Variants in ASB7 observed in about 807,000 individuals in gnomAD.
ASB7 encodes ankyrin repeat and SOCS box protein 7.
Under a neutral mutation model 32.5 loss-of-function variants are expected in ASB7, and 4 were observed. That is an observed-to-expected ratio of 0.12 (90% CI 0.06 to 0.28). ASB7 has a LOEUF of 0.28. Among genes scored for constraint, ASB7 ranks in the 10% least tolerant of loss-of-function variants. ASB7 has a pLI of 1.00. For synonymous variants in ASB7, 172 were observed against 155.6 expected (o/e 1.11, Z -0.78); for missense variants, 181 against 407.1 (o/e 0.44, Z 4.78).
chr15:100,611,053 T>C (rs2039691383), intron 3 of ASB7, among the ~76,000 whole-genome samples: 1 of 152,174 alleles, frequency 6.6e-6, no homozygotes, highest in African/African-American at 2.4e-5. Context: ...ACTTTCTTAT[T>C]TTAATTTTTG....
Position 100,630,396 on chromosome 15 carries a change from G to A in ASB7, c.817+354G>A, listed in dbSNP as rs1388743092. The stretch of plus-strand genomic sequence containing the variant: ...CTTACCTGGCTTCCATTGACTGCAA[G>A]TTGAGGAGTTAGAGGGGGAATTTTG... On this transcript the variant is annotated intron_variant, in intron 5 of 5. Transcript: ENST00000332783. Among the ~76,000 whole-genome samples, 4 of 152,318 alleles carry A rather than the reference G, an allele frequency of 2.6e-5. No individual in the cohort carries two copies. The South Asian group carries it at 6.2e-4, about 24-fold the overall frequency.
intron 5 of ASB7, among the ~76,000 whole-genome samples, chr15:100,632,050 C>T (rs1280312734): frequency 6.6e-6 from 1 of 152,236 alleles, no homozygotes; most frequent in Non-Finnish European, 1.5e-5. Flanking sequence ...GGGCGGCTGC[C>T]GTGTGTCCCT....
Position 100,612,185 on chromosome 15 carries a change from T to C in ASB7, c.-32T>C, listed in dbSNP as rs762862206. The stretch of plus-strand genomic sequence containing the variant: ...TTAAAGGCTGATCCCCGTAACCTAA[T>C]GAATCCTTTGTAAAAAGTGGACTCA... On this transcript the variant is annotated 5_prime_UTR_variant, in exon 4 of 6. It removes an upstream start codon present in the reference 5' UTR. Coordinates refer to ENST00000332783, the MANE Select transcript of ASB7 (RefSeq NM_198243.3). 8 of 1,565,410 alleles carry C rather than the reference T, an allele frequency of 5.1e-6. No individual in the cohort carries two copies. The highest frequency in any genetic ancestry group is 1.1e-5 in the South Asian group (1 of 89,864).
chr15:100,619,299 G>T (rs1229546903), intron 4 of ASB7, among the ~76,000 whole-genome samples: 1 of 152,238 alleles, frequency 6.6e-6, no homozygotes, highest in Admixed American at 6.5e-5. Context: ...TGTTCAGTAA[G>T]ATTGGAATAT....
chr15:100,646,778 C>CG (rs1646277040), intron 5 of ASB7: 1 of 153,094 alleles, frequency 6.5e-6, no homozygotes, highest in South Asian at 2.0e-4. Flanking sequence ...CGAGAAGTTG[C>CG]GGTGTAATCC....
intron 5 of ASB7, among the ~76,000 whole-genome samples, chr15:100,640,071 A>T (rs867592979): frequency 6.6e-6 from 1 of 152,252 alleles, no homozygotes; most frequent in South Asian, 2.1e-4. Flanking sequence ...CACATTTTAT[A>T]CTAGGGTCCC....
chr15:100,648,299 AT>A, intron 5 of ASB7, 23 bp from the exon 6 acceptor site: 1 of 1,566,058 alleles, frequency 6.4e-7, no homozygotes, highest in Non-Finnish European at 8.6e-7. Flanking sequence ...GCTTTGTAAC[AT>A]TTTCTTTTTT....
rs1412504869 is a variant in ASB7, at chr15:100,629,700, A to G, written c.475A>G (p.Ile159Val). Residue 159 changes from isoleucine (I) to valine (V), a missense_variant, in exon 5 of 6, where the codon ATC becomes GTC. Physicochemically the swap from Ile to Val is conservative, Grantham distance 29. Coordinates refer to ENST00000332783, the MANE Select transcript of ASB7 (RefSeq NM_198243.3). This position sits in a 1 kb window ranked among gnomAD's most constrained non-coding sequence, Gnocchi z 6.8. ...TACCACACCGCTTCAGCTCGCCATT[A>G]TCCGAGAGAGGTCAAGCTGTGTGAA... ...KGTTPLQLAI[I>V]RERSSCVKIL... 1 of 1,614,230 alleles carries G rather than the reference A, an allele frequency of 6.2e-7. No individual in the cohort carries two copies. Among genetic ancestry groups the G allele is most frequent in the Non-Finnish European group, 8.5e-7 (1 of 1,180,028 alleles).
chr15:100,603,190 C>CTG (rs924273602), intron 1 of ASB7, 25 bp from the exon 2 acceptor site: 2 of 390,114 alleles, frequency 5.1e-6, no homozygotes, highest in African/African-American at 4.2e-5. Context: ...GACACTACAC[C>CTG]ACTCACTGGT....
In ASB7 at chr15:100,651,322, A is replaced by G; in HGVS notation, c.*2860A>G. On this transcript the variant is annotated 3_prime_UTR_variant, in exon 6 of 6. Transcript: ENST00000332783. ...CAGTAATCCATGCCTGTTAGTTTGG[A>G]GGACTTGACTGTCTCATTTTTTAAT... is the stretch of plus-strand genomic sequence containing the variant. 6.6e-6 allele frequency: 1 copy of G among 151,966 alleles called. No individual in the cohort carries two copies. The allele number at this position is 151,966 out of a possible 1,614,324, so 9.4% of individuals were successfully genotyped here. A position where few individuals can be genotyped will look rare whatever the true frequency, so the allele number is the denominator to read the frequency against.
chr15:100,613,716 A>T (rs2039716374), intron 4 of ASB7, among the ~76,000 whole-genome samples: 3 of 152,206 alleles, frequency 2.0e-5, no homozygotes, highest in African/African-American at 7.2e-5. Flanking sequence ...TGTTTATTCC[A>T]CCTAGTCCTG....
chr15:100,611,227 T>C (rs2039692551), intron 3 of ASB7, among the ~76,000 whole-genome samples: 1 of 151,980 alleles, frequency 6.6e-6, no homozygotes, highest in African/African-American at 2.4e-5. Context: ...TAATTTTGTA[T>C]TTTTTTGTAG....
chr15:100,648,468 C>T lies in ASB7; in HGVS notation c.*6C>T. On this transcript the variant is annotated 3_prime_UTR_variant, in exon 6 of 6. Coordinates refer to ENST00000332783, the MANE Select transcript of ASB7 (RefSeq NM_198243.3). Reference sequence around the variant, plus strand: ...ACAAATTTGATGATATCTGATATGCCAGAACTGTGAGCAAGATTAGGAGTT... The same window carrying T: ...ACAAATTTGATGATATCTGATATGCTAGAACTGTGAGCAAGATTAGGAGTT... 1.3e-6 allele frequency: 2 copies of T among 1,598,156 alleles called. No individual in the cohort carries two copies. The highest frequency in any genetic ancestry group is 1.7e-6 in the Non-Finnish European group (2 of 1,169,586).
rs1203784717 is a variant in ASB7, at chr15:100,650,795, T to TA, written c.*2338dup. 1 of 152,250 alleles carries TA rather than the reference T, an allele frequency of 6.6e-6. No homozygotes were observed. The highest frequency in any genetic ancestry group is 2.4e-5 in the African/African-American group (1 of 41,468). The allele number at this position is 152,250 out of a possible 1,614,324, so 9.4% of individuals were successfully genotyped here. On this transcript the variant is annotated 3_prime_UTR_variant, in exon 6 of 6. Coordinates refer to ENST00000332783, the MANE Select transcript of ASB7 (RefSeq NM_198243.3). ...TTGAGGTTTGATTTATCTGGAAGCTTAAAAAGAATGTTTTATTTTTGTTGT... is the reference window on the plus strand; with the variant it reads ...TTGAGGTTTGATTTATCTGGAAGCTTAAAAAAGAATGTTTTATTTTTGTTGT...
intron 5 of ASB7, among the ~76,000 whole-genome samples, chr15:100,639,261 C>T (rs1485470044): frequency 6.6e-6 from 1 of 152,178 alleles, no homozygotes; most frequent in Non-Finnish European, 1.5e-5. Context: ...CTTTCTGGAA[C>T]ATTAATCACA....
chr15:100,620,445 C>A (rs1469264785), intron 4 of ASB7, among the ~76,000 whole-genome samples: 1 of 152,180 alleles, frequency 6.6e-6, no homozygotes, highest in Non-Finnish European at 1.5e-5. Flanking sequence ...CTTCAAGCAT[C>A]CTGCGTCAAA....
At chr15:100,611,045 T>C (rs1378196947) in intron 3 of ASB7, among the ~76,000 whole-genome samples, 2 of 152,176 alleles carry the variant, frequency 1.3e-5, no homozygotes, top group African/African-American at 4.8e-5. Flanking sequence ...CTCATTTTAC[T>C]TTCTTATTTT....
At position 100,602,665 on chromosome 15, in the gene ASB7, G is replaced by C. The variant is rs2039556288; in HGVS notation, c.-654G>C. On this transcript the variant is annotated 5_prime_UTR_variant, in exon 1 of 6. Transcript: ENST00000332783. ...GCATCCCGAAAGCCCCCTGTCCGGA[G>C]ACCCCACGGCTGGCACTTCGGGCCC... 3.5e-6 allele frequency: 1 copy of C among 284,968 alleles called. No individual in the cohort carries two copies. Among genetic ancestry groups the C allele is most frequent in the Non-Finnish European group, 6.5e-6 (1 of 154,906 alleles). The allele number at this position is 284,968 out of a possible 1,614,324, so 17.7% of individuals were successfully genotyped here.
At chr15:100,640,904 A>G (rs1479627612) in intron 5 of ASB7, among the ~76,000 whole-genome samples, 2 of 152,226 alleles carry the variant, frequency 1.3e-5, no homozygotes, top group Non-Finnish European at 2.9e-5. Flanking sequence ...GGGCTTCTTT[A>G]TAAAATGGAA....
Sources: allele counts gnomAD v4.1 joint callset (sites outside exome capture counted in the v4.1 genomes callset), GRCh38; gene constraint gnomAD v4.1.1; non-coding constraint Gnocchi (gnomAD v3.1); transcripts MANE v1.5; gene names NCBI Gene and HGNC (gene_info 2026-07-23, HGNC 2026-07-21).